The following ZNF318 variants were observed in gnomAD, a reference collection of about 807,000 sequenced individuals.
ZNF318 encodes the protein endocrine regulator.
ZNF318 carries 51 observed loss-of-function variants against 124.2 expected under a neutral mutation model. The ratio of observed to expected loss-of-function variants is 0.41; its 90% confidence interval spans 0.33 to 0.52. The LOEUF (loss-of-function observed/expected upper bound fraction) is 0.52, where lower values mean the gene tolerates loss of function less well. Among genes scored for constraint, ZNF318 ranks in the 20% least tolerant of loss-of-function variants. The pLI, the probability that ZNF318 is intolerant of heterozygous loss-of-function variation, is 0.23. For missense variants in ZNF318, 2,815 were observed against 2,811.2 expected, an observed-to-expected ratio of 1.00 and a Z score of -0.03; for synonymous variants, 1,090 against 1,040.7, an observed-to-expected ratio of 1.05 and a Z score of -0.91.
Position 43,356,096 on chromosome 6 carries a change from T to A in ZNF318, c.1238A>T (p.Tyr413Phe), listed in dbSNP as rs771607198. 6.2e-7 allele frequency: 1 copy of A among 1,613,780 alleles called. No individual in the cohort carries two copies. Among genetic ancestry groups the A allele is most frequent in the Non-Finnish European group, 8.5e-7 (1 of 1,179,896 alleles). Residue 413 changes from tyrosine (Y) to phenylalanine (F), a missense_variant, in exon 4 of 10, where the codon TAC (tyrosine) becomes TTC (phenylalanine). By Grantham distance (22) the Tyr-to-Phe change is conservative. Coordinates refer to ENST00000361428, the MANE Select transcript of ZNF318 (RefSeq NM_014345.3). ...STSSSQDHPLYSGHPSLPLSG... is the reference protein window; with the variant it reads ...STSSSQDHPLFSGHPSLPLSG... Reference sequence around the variant, plus strand: ...TAGTGGAAGGGATGGGTGCCCAGAGTAGAGAGGGTGATCCTGGCTGGAGCT... The same window carrying A: ...TAGTGGAAGGGATGGGTGCCCAGAGAAGAGAGGGTGATCCTGGCTGGAGCT...
At position 43,337,159 on chromosome 6, in the gene ZNF318, T is replaced by C; in HGVS notation, c.6839A>G (p.Ter2280=). Residue 2280 remains the stop codon, a stop_retained_variant, in exon 10 of 10, where the codon TAA becomes TGA. Coordinates refer to ENST00000361428, the MANE Select transcript of ZNF318 (RefSeq NM_014345.3). Reference sequence around the variant, plus strand: ...ACAAGTAGCTCTAGGTATTTATTCTTAGTTGTGAACACTGGATTCTGTGTG... The same window carrying C: ...ACAAGTAGCTCTAGGTATTTATTCTCAGTTGTGAACACTGGATTCTGTGTG... ...QDHTESSVHN[*] The C allele has an allele frequency of 1.9e-6, 3 of 1,570,096 alleles. No individual in the cohort carries two copies. Among genetic ancestry groups the C allele is most frequent in the Non-Finnish European group, 2.6e-6 (3 of 1,158,938 alleles).
Position 43,342,882 on chromosome 6 carries a change from A to G in ZNF318, c.3073-3T>C. The G allele has an allele frequency of 1.2e-6, 2 of 1,607,006 alleles. No homozygotes were observed. Among genetic ancestry groups the G allele is most frequent in the African/African-American group, 1.3e-5 (1 of 74,832 alleles). ...TTCTCATTGTTTACTTTTGATTCCT[A>G]GAGGGGAAAAATCTGTACTTACAAG... On this transcript the variant is annotated splice_region_variant and splice_polypyrimidine_tract_variant and intron_variant, in intron 6 of 9. Transcript: ENST00000361428.
chr6:43,360,237 G>T (rs1038086243), intron 2 of ZNF318, among the ~76,000 whole-genome samples: 2 of 152,070 alleles, frequency 1.3e-5, no homozygotes, highest in Non-Finnish European at 2.9e-5. Flanking sequence ...TCCAGACTTG[G>T]AATCTCCAGT....
Position 43,339,439 on chromosome 6 carries a change from G to A in ZNF318, c.4559C>T (p.Pro1520Leu). 1 of 1,613,972 alleles carries A rather than the reference G, an allele frequency of 6.2e-7. No individual in the cohort carries two copies. The highest frequency in any genetic ancestry group is 8.5e-7 in the Non-Finnish European group (1 of 1,179,964). The change falls in exon 10 of 10, where the codon CCT (proline) becomes CTT (leucine). Residue 1520 changes from proline (P) to leucine (L), a missense_variant. By Grantham distance (98) the Pro-to-Leu change is moderately conservative. Transcript: ENST00000361428. This position sits in a 1 kb window ranked among gnomAD's most constrained non-coding sequence, Gnocchi z 4.2. ...GTCTCGGTCACTCTCACTCACCCCA[G>A]GAGCTGTCTCATCAGAAGGAATGGC... ...PAAIPSDETA[P>L]GVSESDRDQT...
rs1413850953 is a variant in ZNF318, at chr6:43,369,519, G to T, written c.-154C>A. 4.3e-5 allele frequency: 19 copies of T among 444,330 alleles called. No homozygotes were observed. The highest frequency in any genetic ancestry group is 5.1e-5 in the Non-Finnish European group (17 of 334,664). 27.5% of individuals were successfully genotyped at this position (444,330 alleles called of 1,614,324 possible). The stretch of plus-strand genomic sequence containing the variant: ...AGCCCCCTCCCCTCGGCCCCGCGTC[G>T]CCCCGGGGGCCCGGCCGAGCGCGCC... On this transcript the variant is annotated 5_prime_UTR_variant, in exon 1 of 10. Transcript: ENST00000361428.
At chr6:43,354,167 T>G (rs1199107597) in intron 4 of ZNF318, among the ~76,000 whole-genome samples, 1 of 152,228 alleles carries the variant, frequency 6.6e-6, no homozygotes, top group Non-Finnish European at 1.5e-5. Flanking sequence ...CTGTTACTCC[T>G]GGACTCTAAG....
Position 43,339,840 on chromosome 6 carries a change from A to G in ZNF318, c.4158T>C (p.Ala1386=), listed in dbSNP as rs1779345816. 1 of 1,614,072 alleles carries G rather than the reference A, an allele frequency of 6.2e-7. No individual in the cohort carries two copies. The highest frequency in any genetic ancestry group is 8.5e-7 in the Non-Finnish European group (1 of 1,180,042). The change falls in exon 10 of 10, where the codon GCT becomes GCC. Residue 1386 remains alanine (A), a synonymous_variant. Coordinates refer to ENST00000361428, the MANE Select transcript of ZNF318 (RefSeq NM_014345.3). The surrounding 1 kb of genome is among the most constrained non-coding windows in gnomAD (Gnocchi z 4.2). The part of the protein sequence containing the change: ...FLSIKSSGTT[A]KPLPVVKESS... The stretch of plus-strand genomic sequence containing the variant: ...ACTCTTTAACCACTGGCAGAGGTTT[A>G]GCAGTGGTTCCAGAGGACTTAATAG...
Position 43,337,697 on chromosome 6 carries a change from A to G in ZNF318, c.6301T>C (p.Ser2101Pro). The stretch of plus-strand genomic sequence containing the variant: ...AGTCCAGTTTTCAAAATGTTAGGAG[A>G]AGGGATCCTAACACTCCTGGGATTA... ...SPNPRSVRIP[S>P]PNILKTGLTE... The change falls in exon 10 of 10, where the codon TCT becomes CCT. Residue 2101 changes from serine to proline, a missense_variant. Physicochemically the swap from Ser to Pro is moderately conservative, Grantham distance 74 (BLOSUM62 -1). Coordinates refer to ENST00000361428, the MANE Select transcript of ZNF318 (RefSeq NM_014345.3). The G allele has an allele frequency of 6.2e-7, 1 of 1,614,108 alleles. No homozygotes were observed.
chr6:43,356,457 CAAAAG>C (rs1426160722), intron 3 of ZNF318, among the ~76,000 whole-genome samples: 2 of 151,468 alleles, frequency 1.3e-5, no homozygotes, highest in Admixed American at 6.6e-5. Flanking sequence ...TATGGATCCC[CAAAAG>C]AAAAGGAAAA....
At chr6:43,342,243 C>T (rs1779381200) in intron 7 of ZNF318, 32 bp from the exon 8 acceptor site, 2 of 1,538,402 alleles carry the variant, frequency 1.3e-6, no homozygotes, top group Non-Finnish European at 8.9e-7. Context: ...GCTCACACAA[C>T]AGCACTAAAA....
chr6:43,350,256 A>T (rs2150752546), intron 5 of ZNF318, among the ~76,000 whole-genome samples: 1 of 152,322 alleles, frequency 6.6e-6, no homozygotes, highest in South Asian at 2.1e-4. Flanking sequence ...TCTCAAAGAA[A>T]GAAAGAAAAA....
At position 43,338,099 on chromosome 6, in the gene ZNF318, C is replaced by G; in HGVS notation, c.5899G>C (p.Glu1967Gln). The G allele has an allele frequency of 6.2e-7, 1 of 1,613,654 alleles. No homozygotes were observed. The highest frequency in any genetic ancestry group is 8.5e-7 in the Non-Finnish European group (1 of 1,179,926). Residue 1967 changes from glutamate to glutamine, a missense_variant, in exon 10 of 10, where the codon GAG becomes CAG. Physicochemically the swap from Glu to Gln is conservative, Grantham distance 29 (BLOSUM62 2). Coordinates refer to ENST00000361428, the MANE Select transcript of ZNF318 (RefSeq NM_014345.3). ...AVWDENKKRP[E>Q]TWESPEKPKT... ...GGTTTCTCTGGGCTCTCCCAGGTCT[C>G]TGGCCTCTTCTTGTTTTCATCCCAA...
At chr6:43,354,622 A>G in intron 4 of ZNF318, 42 bp downstream of exon 4, 2 of 1,529,610 alleles carry the variant, frequency 1.3e-6, no homozygotes, top group Non-Finnish European at 1.8e-6. Context: ...TTTATGGCAA[A>G]ACAGAAAACT....
intron 6 of ZNF318, among the ~76,000 whole-genome samples, chr6:43,343,123 T>C (rs3816601): frequency 0.026 from 4,011 of 152,254 alleles, 160 homozygotes; most frequent in East Asian, 0.18. Context: ...TACTTACATA[T>C]CCTAAAATAT....
At chr6:43,363,992 T>A in intron 2 of ZNF318, 1 of 704,854 alleles carries the variant, frequency 1.4e-6, no homozygotes, top group South Asian at 1.5e-5. Flanking sequence ...TCTGTGCTGG[T>A]GCACCTCATC....
chr6:43,355,664 C>A lies in ZNF318; in HGVS notation c.1670G>T (p.Ser557Ile), dbSNP rs553578314. ...KAESVPKPLG[S>I]SESEVMRQKA... ...CTGCCTCATAACTTCACTCTCAGAG[C>A]TCCCAAGGGGCTTTGGTACGGATTC... is the stretch of plus-strand genomic sequence containing the variant. The change falls in exon 4 of 10, where the codon AGC becomes ATC. Residue 557 changes from serine (S) to isoleucine (I), a missense_variant. By Grantham distance (142) the Ser-to-Ile change is moderately radical (BLOSUM62 -2). Around this residue, in one of 4 missense-constraint regions of ZNF318, gnomAD observed 1,377 missense variants for 1,353.5 expected, o/e 1.02. Transcript: ENST00000361428. 6.2e-6 allele frequency: 10 copies of A among 1,614,224 alleles called. No individual in the cohort carries two copies. The East Asian group carries it at 1.1e-4, about 18-fold the overall frequency.
Position 43,354,775 on chromosome 6 carries a change from T to C in ZNF318, c.2559A>G (p.Arg853=). 2.5e-6 allele frequency: 4 copies of C among 1,614,218 alleles called. No homozygotes were observed. Among genetic ancestry groups the C allele is most frequent in the Non-Finnish European group, 3.4e-6 (4 of 1,180,034 alleles). ...GCACTTGGGCCGCAGGAATTGAGCC[T>C]CGCAGAGACTCTTTCTGCTTAGGCT... ...PDKPKQKESL[R]GSIPAAQVPV... is the part of the protein sequence containing the mutation. The change falls in exon 4 of 10, where the codon CGA becomes CGG. Residue 853 remains arginine, a synonymous_variant. Coordinates refer to ENST00000361428, the MANE Select transcript of ZNF318 (RefSeq NM_014345.3).
Position 43,338,847 on chromosome 6 carries a change from A to G in ZNF318, c.5151T>C (p.Ser1717=), listed in dbSNP as rs1395802334. 1 of 1,613,806 alleles carries G rather than the reference A, an allele frequency of 6.2e-7. No individual in the cohort carries two copies. Among genetic ancestry groups the G allele is most frequent in the Admixed American group, 1.7e-5 (1 of 59,996 alleles). Residue 1717 remains serine, a synonymous_variant, in exon 10 of 10, where the codon AGT becomes AGC. Coordinates refer to ENST00000361428, the MANE Select transcript of ZNF318 (RefSeq NM_014345.3). Reference sequence around the variant, plus strand: ...GTCCTGGCTCTCCCAGGTCAAGCTCACTCTTCTCTGGAGATATATCCCTAC... The same window carrying G: ...GTCCTGGCTCTCCCAGGTCAAGCTCGCTCTTCTCTGGAGATATATCCCTAC... ...DTSRDISPEK[S]ELDLGEPGPP...
At position 43,339,110 on chromosome 6, in the gene ZNF318, C is replaced by T. The variant is rs1779333380; in HGVS notation, c.4888G>A (p.Asp1630Asn). The T allele has an allele frequency of 5.6e-6, 9 of 1,614,198 alleles. No individual in the cohort carries two copies. The highest frequency in any genetic ancestry group is 7.6e-6 in the Non-Finnish European group (9 of 1,180,032). Residue 1630 changes from aspartate to asparagine, a missense_variant, in exon 10 of 10, where the codon GAT (aspartate) becomes AAT (asparagine). Asp to Asn is a conservative substitution (Grantham distance 23). This residue lies in a region of ZNF318 where 927 missense variants were observed against 820.6 expected (regional missense o/e 1.13). Coordinates refer to ENST00000361428, the MANE Select transcript of ZNF318 (RefSeq NM_014345.3). This position sits in a 1 kb window ranked among gnomAD's most constrained non-coding sequence, Gnocchi z 4.2. ...SSASQEELHQDEGLVAAPIVS... is the reference protein window; with the variant it reads ...SSASQEELHQNEGLVAAPIVS... ...ATAGGAGCAGCGACCAAACCCTCAT[C>T]TTGATGCAACTCCTCTTGGGATGCA...
Sources: gnomAD v4.1 joint callset for allele counts (sites outside exome capture counted in the v4.1 genomes callset) on GRCh38, gnomAD v4.1.1 for gene constraint, gnomAD v4.1.1 regional missense constraint, Gnocchi (gnomAD v3.1) non-coding constraint, MANE v1.5 for transcripts, NCBI Gene and HGNC (gene_info 2026-07-23, HGNC 2026-07-21) for gene names.